The following ANXA8 variants were observed in gnomAD, a reference collection of about 807,000 sequenced individuals.
ANXA8 encodes the protein annexin A8, also known as VAC-beta.
ANXA8 carries 9 observed loss-of-function variants against 26.8 expected under a neutral mutation model. The observed-to-expected ratio is 0.34, with a 90% confidence interval of 0.20 to 0.59. ANXA8 has a LOEUF of 0.59. ANXA8 is among the 20% of genes least tolerant of loss of function. ANXA8 has a pLI of 0.84. For missense variants in ANXA8, 83 were observed against 238.5 expected (o/e 0.35, Z 4.29); for synonymous variants, 39 against 94.8 (o/e 0.41, Z 3.42).
At chr10:47,950,658 A>AGTG in the ANXA8 span, among the ~76,000 whole-genome samples, 1 of 150,754 alleles carries the variant, frequency 6.6e-6, no homozygotes, top group East Asian at 2.0e-4. Context: ...GAACTAAAAT[A>AGTG]GAAGTTAATA....
At chr10:47,942,774 T>A in the ANXA8 span, among the ~76,000 whole-genome samples, 1 of 144,392 alleles carries the variant, frequency 6.9e-6, no homozygotes, top group Non-Finnish European at 1.5e-5. Context: ...TCACTCCAGG[T>A]GTTATCGCTG....
the ANXA8 span, chr10:47,502,188 C>G: frequency 6.5e-7 from 1 of 1,541,428 alleles, no homozygotes; most frequent in Non-Finnish European, 8.8e-7. Context: ...CGGGCCATGA[C>G]GTCCACCCCG....
the ANXA8 span, among the ~76,000 whole-genome samples, chr10:47,514,715 AT>A: frequency 1.5e-4 from 1 of 6,522 alleles, no homozygotes; most frequent in Admixed American, 1.3e-3. Flanking sequence ...GGCAGGACAA[AT>A]TTTAGATAGG....
At chr10:47,528,187 C>T in the ANXA8 span, among the ~76,000 whole-genome samples, 3 of 139,090 alleles carry the variant, frequency 2.2e-5, no homozygotes, top group Non-Finnish European at 4.7e-5. Flanking sequence ...TCATGCCATT[C>T]TCCTGCCTCA....
the ANXA8 span, among the ~76,000 whole-genome samples, chr10:47,698,608 G>A: frequency 1.3e-5 from 2 of 151,876 alleles, no homozygotes; most frequent in African/African-American, 2.4e-5. Flanking sequence ...GGGTGGCTGA[G>A]GCAGGAGGAT....
the ANXA8 span, among the ~76,000 whole-genome samples, chr10:47,626,086 T>C: frequency 6.6e-6 from 1 of 150,432 alleles, no homozygotes; most frequent in South Asian, 2.1e-4. Context: ...ATAGATCTGG[T>C]ACTGAGGCAA....
At chr10:47,703,331 G>T in the ANXA8 span, among the ~76,000 whole-genome samples, 1 of 151,700 alleles carries the variant, frequency 6.6e-6, no homozygotes, top group South Asian at 2.1e-4. Context: ...ACTTTGGGAG[G>T]CTGAGGCAGG....
At chr10:47,682,024 C>G in the ANXA8 span, among the ~76,000 whole-genome samples, 8 of 150,794 alleles carry the variant, frequency 5.3e-5, no homozygotes, top group East Asian at 1.4e-3. Flanking sequence ...CTTCATTACA[C>G]AGACCTGGCG....
the ANXA8 span, among the ~76,000 whole-genome samples, chr10:47,646,287 G>A: frequency 7.3e-6 from 1 of 137,240 alleles, no homozygotes; most frequent in African/African-American, 3.1e-5. Context: ...CACTTCAAAA[G>A]AATACTAAAT....
the ANXA8 span, among the ~76,000 whole-genome samples, chr10:47,498,384 T>C: frequency 0.018 from 2,649 of 143,514 alleles, 157 homozygotes; most frequent in African/African-American, 0.064. Context: ...TACCACATTT[T>C]ATCAATTCAT....
At chr10:47,706,031 C>T in the ANXA8 span, among the ~76,000 whole-genome samples, 13 of 152,004 alleles carry the variant, frequency 8.6e-5, no homozygotes, top group African/African-American at 3.1e-4. Context: ...GCCGCGCGGT[C>T]GGTTCCGGGC....
the ANXA8 span, among the ~76,000 whole-genome samples, chr10:47,546,538 G>T: frequency 3.0e-5 from 4 of 134,972 alleles, no homozygotes; most frequent in East Asian, 1.3e-3. Context: ...GAGTAGCTGG[G>T]ACTACAGGCA....
At chr10:47,503,355 T>G in the ANXA8 span, 1 of 1,608,724 alleles carries the variant, frequency 6.2e-7, no homozygotes, top group Non-Finnish European at 8.5e-7. Context: ...GGTCACTCCC[T>G]TTCTCAGATG....
the ANXA8 span, among the ~76,000 whole-genome samples, chr10:47,633,770 G>A: frequency 6.7e-6 from 1 of 149,424 alleles, no homozygotes; most frequent in Non-Finnish European, 1.5e-5. Flanking sequence ...GGACTGTAAA[G>A]GACCACTTTA....
At chr10:47,675,428 T>A in the ANXA8 span, among the ~76,000 whole-genome samples, 1 of 151,826 alleles carries the variant, frequency 6.6e-6, no homozygotes, top group African/African-American at 2.4e-5. Flanking sequence ...AATTGGTGGC[T>A]TGGCTATGAA....
chr10:47,551,081 G>A, the ANXA8 span, among the ~76,000 whole-genome samples: 3 of 151,456 alleles, frequency 2.0e-5, no homozygotes, highest in Non-Finnish European at 4.4e-5. Flanking sequence ...GACTTCAATA[G>A]TATAGAGTTG....
At chr10:47,674,562 C>T in the ANXA8 span, among the ~76,000 whole-genome samples, 3 of 151,396 alleles carry the variant, frequency 2.0e-5, no homozygotes, top group Non-Finnish European at 2.9e-5. Flanking sequence ...TCTTTTTTCT[C>T]CTCTGTTTAC....
At chr10:47,779,260 C>G in the ANXA8 span, among the ~76,000 whole-genome samples, 77 of 102,894 alleles carry the variant, frequency 7.5e-4, 1 homozygote, top group African/African-American at 2.8e-3. Flanking sequence ...AAGCATCCAG[C>G]AAACACCTGC....
At chr10:47,497,991 T>C in the ANXA8 span, among the ~76,000 whole-genome samples, 1 of 151,976 alleles carries the variant, frequency 6.6e-6, no homozygotes, top group South Asian at 2.1e-4. Flanking sequence ...AAAATATACA[T>C]AAAATTTACT....
Sources: allele counts gnomAD v4.1 joint callset (sites outside exome capture counted in the v4.1 genomes callset), GRCh38; gene constraint gnomAD v4.1.1; transcripts MANE v1.5; gene names NCBI Gene and HGNC (gene_info 2026-07-23, HGNC 2026-07-21).